Variants in TMEM266 observed in about 807,000 individuals in gnomAD.
TMEM266 encodes the protein Hv1 related protein 1.
TMEM266 carries 33 observed loss-of-function variants against 50.5 expected under a neutral mutation model. The ratio of observed to expected loss-of-function variants is 0.65; its 90% confidence interval spans 0.50 to 0.87. The LOEUF (loss-of-function observed/expected upper bound fraction) is 0.87, where lower values mean the gene tolerates loss of function less well. Among genes scored for constraint, TMEM266 ranks in the 40% least tolerant of loss-of-function variants. The probability of loss-of-function intolerance (pLI) is 0.00; values close to 1 mark genes in which losing one functional copy is unlikely to be tolerated. For missense variants in TMEM266, 655 were observed against 695.1 expected, an observed-to-expected ratio of 0.94 and a Z score of 0.65; for synonymous variants, 310 against 292.3, an observed-to-expected ratio of 1.06 and a Z score of -0.62.
At chr15:76,072,224 A>G (rs544846062) in intron 1 of TMEM266, among the ~76,000 whole-genome samples, 1 of 152,124 alleles carries the variant, frequency 6.6e-6, no homozygotes, top group African/African-American at 2.4e-5. Context: ...GGATCACCTG[A>G]GGTCAGGAGT....
intron 1 of TMEM266, among the ~76,000 whole-genome samples, chr15:76,125,846 TAA>T (rs34379905): frequency 4.7e-4 from 55 of 116,346 alleles, no homozygotes; most frequent in Non-Finnish European, 5.2e-4. Flanking sequence ...AGACTCCATG[TAA>T]AAAAAAAAAA....
chr15:76,184,963 T>C (rs1031778663), intron 8 of TMEM266, among the ~76,000 whole-genome samples: 3 of 152,206 alleles, frequency 2.0e-5, no homozygotes, highest in African/African-American at 7.2e-5. Flanking sequence ...CATTTGCCAA[T>C]GGAAGATTTG....
intron 3 of TMEM266, among the ~76,000 whole-genome samples, chr15:76,141,748 C>A (rs548148713): frequency 1.1e-3 from 161 of 152,304 alleles, no homozygotes; most frequent in African/African-American, 3.5e-3. Flanking sequence ...CCTGTTCCCC[C>A]ACTCCTCCAG....
At chr15:76,163,412 G>T (rs370099277) in intron 5 of TMEM266, among the ~76,000 whole-genome samples, 9 of 152,188 alleles carry the variant, frequency 5.9e-5, no homozygotes, top group East Asian at 5.8e-4. Context: ...GGCAGGCTGT[G>T]CAGGGGTCCC....
chr15:76,084,090 A>G (rs2036735828), intron 1 of TMEM266, among the ~76,000 whole-genome samples: 1 of 152,144 alleles, frequency 6.6e-6, no homozygotes, highest in Non-Finnish European at 1.5e-5. Context: ...AGGCAGGTGG[A>G]TCACCAGAGC....
At chr15:76,124,553 A>G (rs2037390555) in intron 1 of TMEM266, among the ~76,000 whole-genome samples, 1 of 152,138 alleles carries the variant, frequency 6.6e-6, no homozygotes, top group South Asian at 2.1e-4. Flanking sequence ...AATCCAGGCT[A>G]TTTGGGAGTC....
chr15:76,199,511 G>C (rs1314539763), intron 9 of TMEM266, among the ~76,000 whole-genome samples: 1 of 151,322 alleles, frequency 6.6e-6, no homozygotes, highest in Non-Finnish European at 1.5e-5. Context: ...GGAAGGCCTG[G>C]TCTGGCCTCA....
intron 1 of TMEM266, among the ~76,000 whole-genome samples, chr15:76,125,585 C>T (rs748653338): frequency 2.0e-5 from 3 of 151,882 alleles, no homozygotes; most frequent in Non-Finnish European, 4.4e-5. Context: ...TGGTGGCTCA[C>T]GCCTGTAATC....
intron 8 of TMEM266, chr15:76,191,669 A>G: frequency 2.9e-6 from 1 of 344,062 alleles, no homozygotes; most frequent in Non-Finnish European, 5.3e-6. Flanking sequence ...CTCCCCGTCC[A>G]GTGGCCTTTC....
chr15:76,197,149 G>A (rs954761274), intron 9 of TMEM266, among the ~76,000 whole-genome samples: 1 of 152,218 alleles, frequency 6.6e-6, no homozygotes, highest in African/African-American at 2.4e-5. Context: ...ACCAGTGCTT[G>A]TCCTTGGAGA....
At chr15:76,198,902 C>A (rs934362260) in intron 9 of TMEM266, among the ~76,000 whole-genome samples, 4 of 152,280 alleles carry the variant, frequency 2.6e-5, no homozygotes, top group Non-Finnish European at 4.4e-5. Context: ...CACTCCAAGG[C>A]CCTGTGTGGG....
chr15:76,195,244 T>G (rs1446976433), intron 9 of TMEM266, among the ~76,000 whole-genome samples: 2 of 152,232 alleles, frequency 1.3e-5, no homozygotes, highest in Non-Finnish European at 2.9e-5. Flanking sequence ...GTCTCCCCTC[T>G]AAACTTACTT....
chr15:76,081,671 A>G (rs1329337721), intron 1 of TMEM266, among the ~76,000 whole-genome samples: 1 of 152,198 alleles, frequency 6.6e-6, no homozygotes, highest in Non-Finnish European at 1.5e-5. Context: ...GAGTGTCCAT[A>G]TCTGTAAATC....
chr15:76,147,515 A>G (rs2037773686), intron 3 of TMEM266, among the ~76,000 whole-genome samples: 1 of 151,396 alleles, frequency 6.6e-6, no homozygotes, highest in South Asian at 2.1e-4. Context: ...ATAAAACACC[A>G]CTCCTTTCTC....
At chr15:76,144,144 A>C (rs942323673) in intron 3 of TMEM266, among the ~76,000 whole-genome samples, 5 of 152,174 alleles carry the variant, frequency 3.3e-5, no homozygotes, top group Non-Finnish European at 7.3e-5. Flanking sequence ...AGCAAGCCCC[A>C]GATTGAACTG....
intron 7 of TMEM266, 40 bp from the exon 8 acceptor site, chr15:76,175,519 C>A (rs773359873): frequency 6.5e-7 from 1 of 1,536,104 alleles, no homozygotes; most frequent in Non-Finnish European, 9.0e-7. Context: ...CCAAGCCCTG[C>A]CACTGCTGAA....
rs77867926 is a variant in TMEM266, at chr15:76,118,870, A to T, written c.-96-15298A>T. On this transcript the variant is annotated intron_variant, in intron 1 of 10. Coordinates refer to ENST00000388942, the MANE Select transcript of TMEM266 (RefSeq NM_152335.3). The stretch of plus-strand genomic sequence containing the variant: ...AGCTCCGAGTGGGGAGCCTTCCATG[A>T]AGACATGGGTTCTTCAGAGAGAGGA... Among the ~76,000 whole-genome samples the T allele has an allele frequency of 2.5e-3, 376 of 152,320 alleles. 2 individuals carry two copies. The highest frequency in any genetic ancestry group is 8.4e-3 in the African/African-American group (350 of 41,574).
intron 8 of TMEM266, among the ~76,000 whole-genome samples, chr15:76,186,788 G>A (rs1263172233): frequency 6.6e-6 from 1 of 152,138 alleles, no homozygotes; most frequent in Non-Finnish European, 1.5e-5. Context: ...CTGGATCACT[G>A]TGTACCACCA....
At chr15:76,090,122 C>G (rs1433798237) in intron 1 of TMEM266, among the ~76,000 whole-genome samples, 1 of 152,080 alleles carries the variant, frequency 6.6e-6, no homozygotes, top group Non-Finnish European at 1.5e-5. Flanking sequence ...GCTAGATGAG[C>G]TATTTCAGAA....
Sources: allele counts gnomAD v4.1 joint callset (sites outside exome capture counted in the v4.1 genomes callset), GRCh38; gene constraint gnomAD v4.1.1; transcripts MANE v1.5; gene names NCBI Gene and HGNC (gene_info 2026-07-23, HGNC 2026-07-21).